The following NCK2 variants were observed in gnomAD, a reference collection of about 807,000 sequenced individuals.
NCK2 encodes cytoplasmic protein NCK2.
In NCK2, 16 loss-of-function variants were observed where a neutral mutation model predicts 33.9. The ratio of observed to expected loss-of-function variants is 0.47; its 90% CI spans 0.32 to 0.72. NCK2 has a LOEUF of 0.72. NCK2 is among the 30% of genes least tolerant of loss of function. NCK2 has a pLI of 0.03. For synonymous variants in NCK2, 273 were observed against 239.9 expected, an observed-to-expected ratio of 1.14 and a Z score of -1.27; for missense variants, 418 against 537.3, an observed-to-expected ratio of 0.78 and a Z score of 2.19.
intron 2 of NCK2, among the ~76,000 whole-genome samples, chr2:105,834,795 C>T (rs772292389): frequency 7.9e-5 from 12 of 152,188 alleles, no homozygotes; most frequent in Non-Finnish European, 1.0e-4. Context: ...TTCAGCCTCC[C>T]GGGTAGCTGG....
At chr2:105,808,679 G>T (rs1675178746) in intron 1 of NCK2, among the ~76,000 whole-genome samples, 1 of 152,170 alleles carries the variant, frequency 6.6e-6, no homozygotes, top group Non-Finnish European at 1.5e-5. Context: ...AAATAAAATC[G>T]ACTTAAAGTG....
intron 1 of NCK2, among the ~76,000 whole-genome samples, chr2:105,797,833 GA>G (rs1285546797): frequency 6.6e-6 from 1 of 151,834 alleles, no homozygotes; most frequent in Non-Finnish European, 1.5e-5. Context: ...ATTTGGCACA[GA>G]AAAAAAACCC....
At chr2:105,817,320 G>A (rs1316935753) in intron 2 of NCK2, among the ~76,000 whole-genome samples, 1 of 152,208 alleles carries the variant, frequency 6.6e-6, no homozygotes, top group East Asian at 1.9e-4. Context: ...CTGGGACCCA[G>A]TGGTGCTATC....
chr2:105,832,436 T>G (rs775580652), intron 2 of NCK2, among the ~76,000 whole-genome samples: 1 of 152,246 alleles, frequency 6.6e-6, no homozygotes, highest in Non-Finnish European at 1.5e-5. Flanking sequence ...CTTTTGCCTA[T>G]TCAGTATGAT....
chr2:105,852,823 T>C (rs1216188219), intron 2 of NCK2, among the ~76,000 whole-genome samples: 1 of 152,156 alleles, frequency 6.6e-6, no homozygotes, highest in Non-Finnish European at 1.5e-5. Context: ...GGTATGCACT[T>C]GAGATTTTCT....
At chr2:105,841,351 G>A (rs1229880309) in intron 2 of NCK2, among the ~76,000 whole-genome samples, 1 of 152,144 alleles carries the variant, frequency 6.6e-6, no homozygotes, top group Non-Finnish European at 1.5e-5. Context: ...AAACTTCTGT[G>A]ATTGAATGTC....
chr2:105,801,074 G>T (rs142873920), intron 1 of NCK2, among the ~76,000 whole-genome samples: 2 of 152,238 alleles, frequency 1.3e-5, no homozygotes, highest in Non-Finnish European at 2.9e-5. Context: ...AAAGCTGGGC[G>T]TGCTGAGCCC....
At chr2:105,774,171 G>A (rs889812889) in intron 1 of NCK2, among the ~76,000 whole-genome samples, 1 of 151,954 alleles carries the variant, frequency 6.6e-6, no homozygotes, top group Non-Finnish European at 1.5e-5. Context: ...ACCACACCCA[G>A]CTAATTTTTG....
At position 105,893,096 on chromosome 2, in the gene NCK2, C is replaced by T. The variant is rs1573262416; in HGVS notation, c.1063C>T (p.Leu355=). 1 of 1,614,012 alleles carries T rather than the reference C, an allele frequency of 6.2e-7. No homozygotes were observed. The highest frequency in any genetic ancestry group is 1.1e-5 in the South Asian group (1 of 91,060). ...GQRRFHTMDE[L]VEHYKKAPIF... is the part of the protein sequence containing the mutation. ...GCGGCGCTTCCACACCATGGACGAG[C>T]TGGTGGAACACTACAAAAAGGCGCC... The change falls in exon 5 of 5, where the codon CTG becomes TTG. Residue 355 remains leucine, a synonymous_variant. Coordinates refer to ENST00000233154, the MANE Select transcript of NCK2 (RefSeq NM_003581.5).
At chr2:105,804,104 C>T (rs763011883) in intron 1 of NCK2, among the ~76,000 whole-genome samples, 4 of 152,046 alleles carry the variant, frequency 2.6e-5, no homozygotes, top group African/African-American at 4.8e-5. Flanking sequence ...GAGGCAGTGG[C>T]GACTCTCAGG....
chr2:105,825,037 G>A (rs1675888380), intron 2 of NCK2, among the ~76,000 whole-genome samples: 2 of 152,354 alleles, frequency 1.3e-5, no homozygotes, highest in South Asian at 4.1e-4. Flanking sequence ...TATGGAGGGA[G>A]ATGAGTGGGC....
At chr2:105,786,810 C>G (rs778151035) in intron 1 of NCK2, among the ~76,000 whole-genome samples, 5 of 152,062 alleles carry the variant, frequency 3.3e-5, no homozygotes, top group Non-Finnish European at 7.4e-5. Flanking sequence ...TTGTTCCCCT[C>G]TGCCTCTCTT....
intron 2 of NCK2, chr2:105,854,829 C>T (rs1677195851): frequency 2.2e-6 from 1 of 455,160 alleles, no homozygotes; most frequent in Admixed American, 3.6e-5. Flanking sequence ...GTACAGCAAA[C>T]AGTAACATAA....
At chr2:105,841,135 A>G (rs1676629819) in intron 2 of NCK2, among the ~76,000 whole-genome samples, 1 of 152,192 alleles carries the variant, frequency 6.6e-6, no homozygotes, top group Admixed American at 6.5e-5. Flanking sequence ...GTCTCTTCCG[A>G]CATTCACTTT....
chr2:105,810,857 T>C (rs1157249441), intron 1 of NCK2, among the ~76,000 whole-genome samples: 1 of 152,214 alleles, frequency 6.6e-6, no homozygotes, highest in Non-Finnish European at 1.5e-5. Flanking sequence ...CAGCAGACTG[T>C]AAATCTTAAA....
intron 4 of NCK2, among the ~76,000 whole-genome samples, chr2:105,882,743 G>A (rs1309435030): frequency 6.6e-6 from 1 of 152,156 alleles, no homozygotes; most frequent in African/African-American, 2.4e-5. Context: ...CATCCCAGAA[G>A]GCAGGCTTTT....
chr2:105,780,621 G>T (rs1310437406), intron 1 of NCK2, among the ~76,000 whole-genome samples: 1 of 152,226 alleles, frequency 6.6e-6, no homozygotes. Context: ...GGTCACTGAT[G>T]TGGTCTGAAT....
intron 3 of NCK2, among the ~76,000 whole-genome samples, chr2:105,870,490 C>A (rs1038057539): frequency 2.6e-5 from 4 of 152,170 alleles, no homozygotes; most frequent in Non-Finnish European, 5.9e-5. Context: ...CACAGTGGCT[C>A]ACACCTGTAA....
At chr2:105,809,894 T>C (rs1226997782) in intron 1 of NCK2, among the ~76,000 whole-genome samples, 3 of 150,526 alleles carry the variant, frequency 2.0e-5, no homozygotes, top group African/African-American at 4.9e-5. Flanking sequence ...GAAGAGGGAG[T>C]GGTGGAAGGC....
Sources: allele counts gnomAD v4.1 joint callset (sites outside exome capture counted in the v4.1 genomes callset), GRCh38; gene constraint gnomAD v4.1.1; transcripts MANE v1.5; gene names NCBI Gene and HGNC (gene_info 2026-07-23, HGNC 2026-07-21).